Variants in MACROD2 observed in about 807,000 individuals in gnomAD.
The protein encoded by MACROD2 is mono-ADP ribosylhydrolase 2, also known as ADP-ribose glycohydrolase MACROD2.
Under a neutral mutation model 70.4 loss-of-function variants are expected in MACROD2, and 36 were observed. The observed-to-expected ratio is 0.51, with a 90% CI of 0.39 to 0.68. The LOEUF is 0.68. Ranked by LOEUF, MACROD2 falls within the 30% of genes least tolerant of loss-of-function variation. The pLI, the probability that MACROD2 is intolerant of heterozygous loss-of-function variation, is 0.00. For missense variants in MACROD2, 496 were observed against 538.4 expected, an observed-to-expected ratio of 0.92 and a Z score of 0.78; for synonymous variants, 172 against 178.8, an observed-to-expected ratio of 0.96 and a Z score of 0.30.
In MACROD2 at chr20:14,230,833, T is replaced by G. The variant is rs141705852; in HGVS notation, c.271+145105T>G. On this transcript the variant is annotated intron_variant, in intron 3 of 17. Transcript: ENST00000684519. ...GCAGTTATAGCCCTATTAAATGTAT[T>G]TCTTACAAGAAGGCTTGAAAGTTGA... Among the ~76,000 whole-genome samples, 41 of 150,868 alleles carry G rather than the reference T, an allele frequency of 2.7e-4. No homozygotes were observed. The East Asian group carries it at 2.8e-3, about 10-fold the overall frequency.
intron 6 of MACROD2, among the ~76,000 whole-genome samples, chr20:15,372,416 G>A (rs1009985906): frequency 6.6e-6 from 1 of 152,222 alleles, no homozygotes; most frequent in Non-Finnish European, 1.5e-5. Context: ...AGTTGAATGG[G>A]TATAAAAGAG....
At chr20:15,419,776 A>G (rs1386742825) in intron 6 of MACROD2, among the ~76,000 whole-genome samples, 1 of 152,184 alleles carries the variant, frequency 6.6e-6, no homozygotes, top group African/African-American at 2.4e-5. Flanking sequence ...AGGTATGCAG[A>G]ATGTGCCTGA....
At chr20:15,860,827 T>G (rs1251336211) in intron 8 of MACROD2, among the ~76,000 whole-genome samples, 1 of 152,168 alleles carries the variant, frequency 6.6e-6, no homozygotes, top group Admixed American at 6.5e-5. Context: ...ACTTTAAATT[T>G]TTGGAATGTT....
chr20:14,882,098 G>A (rs932923237), intron 5 of MACROD2, among the ~76,000 whole-genome samples: 3 of 152,148 alleles, frequency 2.0e-5, no homozygotes, highest in Admixed American at 6.6e-5. Context: ...TCAAAGTAAG[G>A]AGTCAAGCTC....
At chr20:14,419,031 A>G (rs113340948) in intron 3 of MACROD2, among the ~76,000 whole-genome samples, 166 of 152,068 alleles carry the variant, frequency 1.1e-3, no homozygotes, top group African/African-American at 3.9e-3. Flanking sequence ...TTACTACTCA[A>G]GACAGTCTTA....
chr20:15,970,388 T>C (rs1424375097), intron 13 of MACROD2, among the ~76,000 whole-genome samples: 1 of 152,194 alleles, frequency 6.6e-6, no homozygotes, highest in Non-Finnish European at 1.5e-5. Context: ...TATACCACAA[T>C]AATGGCATTT....
intron 3 of MACROD2, among the ~76,000 whole-genome samples, chr20:14,298,906 T>C (rs373000359): frequency 7.9e-5 from 12 of 152,328 alleles, no homozygotes; most frequent in Non-Finnish European, 1.3e-4. Flanking sequence ...AAAACGTACA[T>C]GGATGAAGAG....
intron 5 of MACROD2, among the ~76,000 whole-genome samples, chr20:14,832,091 G>A (rs2072976386): frequency 7.4e-6 from 1 of 134,524 alleles, no homozygotes; most frequent in South Asian, 2.4e-4. Flanking sequence ...GGCCCAGGCT[G>A]GAGTGCAGTG....
intron 5 of MACROD2, among the ~76,000 whole-genome samples, chr20:14,712,947 A>G (rs796479553): frequency 2.0e-5 from 3 of 152,274 alleles, no homozygotes; most frequent in African/African-American, 7.2e-5. Flanking sequence ...ATTTTTTTCA[A>G]CAGTAATTTC....
intron 6 of MACROD2, among the ~76,000 whole-genome samples, chr20:15,399,364 A>G (rs1318658129): frequency 6.6e-6 from 1 of 152,196 alleles, no homozygotes; most frequent in African/African-American, 2.4e-5. Context: ...ACCCTGATTT[A>G]CTACCTGATA....
In MACROD2 at chr20:14,786,857, G is replaced by A. The variant is rs1293164165; in HGVS notation, c.418+101898G>A. Among the ~76,000 whole-genome samples, 3 of 152,134 alleles carry A rather than the reference G, an allele frequency of 2.0e-5. No homozygotes were observed. The South Asian group carries it at 6.2e-4, about 32-fold the overall frequency. ...CCTGTTTCTGCTCTCTCTGTACCCTGAGGCCTCCAAATACGTATAAAGAAA... is the reference window on the plus strand; with the variant it reads ...CCTGTTTCTGCTCTCTCTGTACCCTAAGGCCTCCAAATACGTATAAAGAAA... On this transcript the variant is annotated intron_variant, in intron 5 of 17. Coordinates refer to ENST00000684519, the MANE Select transcript of MACROD2 (RefSeq NM_001351661.2).
At chr20:15,900,647 TTGACTGGGAACGA>T (rs1374960770) in intron 10 of MACROD2, among the ~76,000 whole-genome samples, 3 of 152,200 alleles carry the variant, frequency 2.0e-5, no homozygotes, top group Admixed American at 6.5e-5. Context: ...CAGGTTCTGT[TTGACTGGGAACGA>T]TCCCAATTTA....
chr20:14,382,187 G>A (rs1253703836), intron 3 of MACROD2, among the ~76,000 whole-genome samples: 4 of 150,822 alleles, frequency 2.7e-5, no homozygotes, highest in Non-Finnish European at 4.4e-5. Flanking sequence ...TCAGACTCCC[G>A]AGTAGCTGGG....
At chr20:15,020,120 C>T (rs934022870) in intron 5 of MACROD2, among the ~76,000 whole-genome samples, 1 of 152,068 alleles carries the variant, frequency 6.6e-6, no homozygotes, top group African/African-American at 2.4e-5. Flanking sequence ...CTGGATTTGA[C>T]CTGCAGGCTA....
chr20:15,122,792 A>T (rs1183594272), intron 5 of MACROD2, among the ~76,000 whole-genome samples: 2 of 152,120 alleles, frequency 1.3e-5, no homozygotes, highest in Non-Finnish European at 2.9e-5. Flanking sequence ...AGGGGGAAAA[A>T]CACAGTTTCC....
At chr20:15,331,430 G>T (rs2081346502) in intron 6 of MACROD2, among the ~76,000 whole-genome samples, 1 of 151,528 alleles carries the variant, frequency 6.6e-6, no homozygotes, top group Non-Finnish European at 1.5e-5. Context: ...CATTTATAAT[G>T]CACATCAATT....
At chr20:15,115,753 GATA>G (rs1251925546) in intron 5 of MACROD2, among the ~76,000 whole-genome samples, 1 of 152,106 alleles carries the variant, frequency 6.6e-6, no homozygotes, top group Non-Finnish European at 1.5e-5. Flanking sequence ...TTAGACTTAG[GATA>G]AATCAGAAGA....
intron 5 of MACROD2, among the ~76,000 whole-genome samples, chr20:15,099,651 C>T (rs954953592): frequency 2.0e-5 from 3 of 152,004 alleles, no homozygotes; most frequent in African/African-American, 7.3e-5. Flanking sequence ...AAACAAACAC[C>T]TAAAAATATG....
At chr20:15,706,061 C>T (rs1453921028) in intron 8 of MACROD2, among the ~76,000 whole-genome samples, 1 of 152,166 alleles carries the variant, frequency 6.6e-6, no homozygotes, top group Non-Finnish European at 1.5e-5. Context: ...GATGTTGTTA[C>T]ATGCCTGCCT....
Sources: gnomAD v4.1 joint callset for allele counts (sites outside exome capture counted in the v4.1 genomes callset) on GRCh38, gnomAD v4.1.1 for gene constraint, MANE v1.5 for transcripts, NCBI Gene and HGNC (gene_info 2026-07-23, HGNC 2026-07-21) for gene names.